Variants in NTRK3 observed in about 807,000 individuals in gnomAD.
NTRK3 encodes the protein neurotrophic receptor tyrosine kinase 3, also known as NT-3 growth factor receptor.
A neutral mutation model predicts 91.7 loss-of-function variants in NTRK3; 24 were observed. The observed-to-expected ratio is 0.26, with a 90% CI of 0.19 to 0.37. NTRK3 has a LOEUF of 0.37. Among genes scored for constraint, NTRK3 ranks in the 10% least tolerant of loss-of-function variants. The probability of loss-of-function intolerance (pLI) is 1.00; values close to 1 mark genes in which losing one functional copy is unlikely to be tolerated. For missense variants in NTRK3, 880 were observed against 1,068.9 expected (o/e 0.82, Z 2.46); for synonymous variants, 483 against 404.0 (o/e 1.20, Z -2.34).
At chr15:88,109,590 T>C (rs1597366946) in intron 13 of NTRK3, among the ~76,000 whole-genome samples, 1 of 152,030 alleles carries the variant, frequency 6.6e-6, no homozygotes, top group East Asian at 1.9e-4. Flanking sequence ...TCCCTCCTAT[T>C]CCTTTAAAGT....
intron 14 of NTRK3, among the ~76,000 whole-genome samples, chr15:87,980,569 G>C (rs987667123): frequency 3.9e-5 from 6 of 152,156 alleles, no homozygotes; most frequent in African/African-American, 1.4e-4. Flanking sequence ...GTGTGAATAT[G>C]TGCACAGAGT....
At chr15:87,965,983 C>T (rs1359452845) in intron 14 of NTRK3, among the ~76,000 whole-genome samples, 3 of 151,982 alleles carry the variant, frequency 2.0e-5, no homozygotes, top group East Asian at 1.9e-4. Context: ...GAGGCTGAGG[C>T]TTGAGAATCA....
At position 88,237,484 on chromosome 15, in the gene NTRK3, C is replaced by T. The variant is rs527359761; in HGVS notation, c.248+18422G>A. ...TGGTTACTGACACAAGTGTGGTGCTCACTGGTAGCTGTTGAAATAATTAGT... is the reference window on the plus strand; with the variant it reads ...TGGTTACTGACACAAGTGTGGTGCTTACTGGTAGCTGTTGAAATAATTAGT... On this transcript the variant is annotated intron_variant, in intron 3 of 18. Transcript: ENST00000394480. This position sits in a 1 kb window ranked among gnomAD's most constrained non-coding sequence, Gnocchi z 4.0. 2.0e-5 allele frequency among the ~76,000 whole-genome samples: 3 copies of T among 152,238 alleles called. No individual in the cohort carries two copies. In the East Asian group the frequency reaches 5.8e-4, roughly 29 times the overall value.
Position 88,234,839 on chromosome 15 carries a change from C to A in NTRK3, c.248+21067G>T, listed in dbSNP as rs2051543959. Among the ~76,000 whole-genome samples, 1 of 152,138 alleles carries A rather than the reference C, an allele frequency of 6.6e-6. No homozygotes were observed. Among genetic ancestry groups the A allele is most frequent in the Non-Finnish European group, 1.5e-5 (1 of 68,020 alleles). ...CCCTGCTTGATCTAGTCCCTGCAGACCTCTCCAACCTCCCACTCCCACCAG... is the reference window on the plus strand; with the variant it reads ...CCCTGCTTGATCTAGTCCCTGCAGAACTCTCCAACCTCCCACTCCCACCAG... On this transcript the variant is annotated intron_variant, in intron 3 of 18. Transcript: ENST00000394480. This position sits in a 1 kb window ranked among gnomAD's most constrained non-coding sequence, Gnocchi z 6.1.
At chr15:88,028,848 C>A (rs980730948) in intron 14 of NTRK3, among the ~76,000 whole-genome samples, 1 of 152,110 alleles carries the variant, frequency 6.6e-6, no homozygotes, top group African/African-American at 2.4e-5. Context: ...AACCAAGAAG[C>A]CTTTCAACTG....
At chr15:88,145,341 AG>A (rs1324727493) in intron 6 of NTRK3, among the ~76,000 whole-genome samples, 1 of 152,146 alleles carries the variant, frequency 6.6e-6, no homozygotes, top group Admixed American at 6.5e-5. Flanking sequence ...TGCTCCTTAG[AG>A]GGGGGCTTCT....
At chr15:87,864,688 A>G (rs771850696) in exon 19 of NTRK3, 14 of 229,492 alleles carry the variant, frequency 6.1e-5, no homozygotes, top group African/African-American at 8.8e-5. Context: ...AGCATTCTCC[A>G]TGGCTAGATA....
chr15:88,006,924 C>T (rs567989066), intron 14 of NTRK3, among the ~76,000 whole-genome samples: 2 of 152,216 alleles, frequency 1.3e-5, no homozygotes, highest in African/African-American at 2.4e-5. Flanking sequence ...CTTCCTCATG[C>T]GTGAAAAAGC....
At chr15:87,929,095 T>A in intron 17 of NTRK3, 96 bp downstream of exon 17, 1 of 1,586,418 alleles carries the variant, frequency 6.3e-7, no homozygotes, top group Non-Finnish European at 8.7e-7. Flanking sequence ...TGTATATGTG[T>A]GTGCCAGAGT....
chr15:88,111,178 C>T (rs971426899), intron 13 of NTRK3, among the ~76,000 whole-genome samples: 1 of 152,214 alleles, frequency 6.6e-6, no homozygotes, highest in Non-Finnish European at 1.5e-5. Context: ...TCTATCCAGG[C>T]TGCTGCTTCA....
rs562418810 is a variant in NTRK3 at position 87,915,626 on chromosome 15, C to T, written c.2133+13565G>A. ...TAAATTCTCTTGAGTAGGTTCTTCTCCTCTCTAAATTTAGTATCCAGCAAT... is the reference window on the plus strand; with the variant it reads ...TAAATTCTCTTGAGTAGGTTCTTCTTCTCTCTAAATTTAGTATCCAGCAAT... On this transcript the variant is annotated intron_variant, in intron 17 of 18. Coordinates refer to ENST00000394480, the Ensembl canonical transcript of NTRK3. Among the ~76,000 whole-genome samples the T allele has an allele frequency of 9.2e-5, 14 of 152,178 alleles. No homozygotes were observed. The South Asian group carries it at 2.5e-3, about 27-fold the overall frequency.
intron 14 of NTRK3, among the ~76,000 whole-genome samples, chr15:87,995,614 G>T (rs140946365): frequency 6.6e-6 from 1 of 152,276 alleles, no homozygotes; most frequent in Non-Finnish European, 1.5e-5. Flanking sequence ...GAGTCTTGAA[G>T]GATTTCAAAG....
chr15:88,181,603 C>G (rs1005215496), intron 5 of NTRK3, among the ~76,000 whole-genome samples: 1 of 152,220 alleles, frequency 6.6e-6, no homozygotes, highest in African/African-American at 2.4e-5. Flanking sequence ...ATCCCTCCCC[C>G]AAATACGACC....
intron 13 of NTRK3, among the ~76,000 whole-genome samples, chr15:88,064,024 G>A (rs907866047): frequency 6.6e-6 from 1 of 152,122 alleles, no homozygotes; most frequent in African/African-American, 2.4e-5. Flanking sequence ...GATCGTACAG[G>A]GTTAGATCAG....
chr15:87,942,189 C>T (rs999203852), intron 14 of NTRK3, among the ~76,000 whole-genome samples: 2 of 152,190 alleles, frequency 1.3e-5, no homozygotes, highest in African/African-American at 4.8e-5. Flanking sequence ...TAAGGATTTG[C>T]GAGAGGAAGC....
chr15:88,224,797 G>A (rs768997230), intron 3 of NTRK3, among the ~76,000 whole-genome samples: 3 of 152,168 alleles, frequency 2.0e-5, no homozygotes, highest in Non-Finnish European at 4.4e-5. Context: ...TCCCTGTCTT[G>A]TTAGGGAGGC....
rs761693135 is a variant in NTRK3, at chr15:88,235,097, C to G, written c.248+20809G>C. Among the ~76,000 whole-genome samples the G allele has an allele frequency of 1.3e-5, 2 of 152,214 alleles. No individual in the cohort carries two copies. The highest frequency in any genetic ancestry group is 2.9e-5 in the Non-Finnish European group (2 of 68,044). On this transcript the variant is annotated intron_variant, in intron 3 of 18. Coordinates refer to ENST00000394480, the Ensembl canonical transcript of NTRK3. This position sits in a 1 kb window ranked among gnomAD's most constrained non-coding sequence, Gnocchi z 5.2. Reference sequence around the variant, plus strand: ...AAAGGCAGCCTCCTCACCTCCCCATCATGCCTCATAACAGAGCACTCTGTT... The same window carrying G: ...AAAGGCAGCCTCCTCACCTCCCCATGATGCCTCATAACAGAGCACTCTGTT...
At chr15:87,929,021 C>T in intron 17 of NTRK3, 170 bp downstream of exon 17, 1 of 836,794 alleles carries the variant, frequency 1.2e-6, no homozygotes, top group South Asian at 1.6e-5. Flanking sequence ...ACATAATAAA[C>T]AGGTATGTCA....
intron 13 of NTRK3, among the ~76,000 whole-genome samples, chr15:88,104,406 G>A (rs988109271): frequency 3.9e-5 from 6 of 152,188 alleles, no homozygotes; most frequent in African/African-American, 1.4e-4. Context: ...TGTAACCTGA[G>A]CTCATGTCTT....
Sources: allele counts gnomAD v4.1 joint callset (sites outside exome capture counted in the v4.1 genomes callset), GRCh38; gene constraint gnomAD v4.1.1; non-coding constraint Gnocchi (gnomAD v3.1); transcripts MANE v1.5; gene names NCBI Gene and HGNC (gene_info 2026-07-23, HGNC 2026-07-21).